The following RHOV variants were observed in gnomAD, a reference collection of about 807,000 sequenced individuals.
RHOV encodes rho-related GTP-binding protein RhoV.
In RHOV, 6 loss-of-function variants were observed where a neutral mutation model predicts 20.2. The observed-to-expected ratio is 0.30, with a 90% CI of 0.16 to 0.59. The LOEUF (loss-of-function observed/expected upper bound fraction) is 0.59, where lower values mean the gene tolerates loss of function less well. Ranked by LOEUF, RHOV falls within the 20% of genes least tolerant of loss-of-function variation. The probability of loss-of-function intolerance (pLI) is 0.89; values close to 1 mark genes in which losing one functional copy is unlikely to be tolerated. For synonymous variants in RHOV, 136 were observed against 142.3 expected, an observed-to-expected ratio of 0.96 and a Z score of 0.31; for missense variants, 275 against 319.4, an observed-to-expected ratio of 0.86 and a Z score of 1.06.
rs759074110 is a variant in RHOV, at chr15:40,874,098, G to A, written c.42C>T (p.Leu14=). 1.2e-5 allele frequency: 17 copies of A among 1,448,478 alleles called. No homozygotes were observed. The highest frequency in any genetic ancestry group is 1.3e-5 in the Non-Finnish European group (14 of 1,105,710). The allele number at this position is 1,448,478 out of a possible 1,614,324, so 89.7% of individuals were successfully genotyped here. A position where few individuals can be genotyped will look rare whatever the true frequency, so the allele number is the denominator to read the frequency against. ...RELSEAEPPP[L]RAPTPPPRRR... ...GCCGCGGGGGAGGGGTCGGGGCCCGGAGCGGGGGCGGCTCGGCCTCGCTCA... is the reference window on the plus strand; with the variant it reads ...GCCGCGGGGGAGGGGTCGGGGCCCGAAGCGGGGGCGGCTCGGCCTCGCTCA... Residue 14 remains leucine (L), a synonymous_variant, in exon 1 of 3, where the codon CTC becomes CTT. Coordinates refer to ENST00000220507, the MANE Select transcript of RHOV (RefSeq NM_133639.4).
Position 40,874,064 on chromosome 15 carries a change from C to G in RHOV, c.76G>C (p.Ala26Pro). 1 of 1,541,788 alleles carries G rather than the reference C, an allele frequency of 6.5e-7. No homozygotes were observed. Among genetic ancestry groups the G allele is most frequent in the South Asian group, 1.2e-5 (1 of 84,164 alleles). ...CACTTGATGCCCAGCTCTGGGGGCG[C>G]GCTACGCCGCCGCGGGGGAGGGGTC... ...APTPPPRRRS[A>P]PPELGIKCVL... is the part of the protein sequence containing the mutation. The change falls in exon 1 of 3, where the codon GCG (alanine) becomes CCG (proline). Residue 26 changes from alanine to proline, a missense_variant. Coordinates refer to ENST00000220507, the MANE Select transcript of RHOV (RefSeq NM_133639.4).
Position 40,872,834 on chromosome 15 carries a change from T to C in RHOV, c.*224A>G, listed in dbSNP as rs1167365325. 3.8e-6 allele frequency: 2 copies of C among 531,274 alleles called. No homozygotes were observed. The highest frequency in any genetic ancestry group is 1.9e-5 in the African/African-American group (1 of 51,716). 32.9% of individuals were successfully genotyped at this position (531,274 alleles called of 1,614,324 possible). Reference sequence around the variant, plus strand: ...AAAATCAAAGTGCCAGGTTTTTTTCTGTGAGCTTTGACTGGAGAAATCCAA... The same window carrying C: ...AAAATCAAAGTGCCAGGTTTTTTTCCGTGAGCTTTGACTGGAGAAATCCAA... On this transcript the variant is annotated 3_prime_UTR_variant, in exon 3 of 3. Transcript: ENST00000220507.
Position 40,873,008 on chromosome 15 carries a change from T to A in RHOV, c.*50A>T, listed in dbSNP as rs201047149. 1.4e-6 allele frequency: 2 copies of A among 1,480,426 alleles called. No homozygotes were observed. Among genetic ancestry groups the A allele is most frequent in the Non-Finnish European group, 1.9e-6 (2 of 1,074,540 alleles). 91.7% of individuals were successfully genotyped at this position (1,480,426 alleles called of 1,614,324 possible). The stretch of plus-strand genomic sequence containing the variant: ...CGCAAAGGCCCGGGTGCCCCAGGTC[T>A]CAGAAGTCTTTGGCCTCCTGCCTAC... On this transcript the variant is annotated 3_prime_UTR_variant, in exon 3 of 3. Coordinates refer to ENST00000220507, the MANE Select transcript of RHOV (RefSeq NM_133639.4).
At chr15:40,873,533 G>A in intron 2 of RHOV, 32 bp from the exon 3 acceptor site, 1 of 1,591,764 alleles carries the variant, frequency 6.3e-7, no homozygotes. Context: ...GTAAGGATTA[G>A]CCCCCCGACA....
Position 40,872,752 on chromosome 15 carries a change from A to C in RHOV, c.*306T>G. The stretch of plus-strand genomic sequence containing the variant: ...CAGGCTGACCTGAGGGCCCAGGACA[A>C]GAAACTGGGTTCCCAAACTGCTCGG... On this transcript the variant is annotated 3_prime_UTR_variant, in exon 3 of 3. Transcript: ENST00000220507. The C allele has an allele frequency of 3.2e-6, 1 of 307,716 alleles. No homozygotes were observed. The highest frequency in any genetic ancestry group is 6.4e-5 in the South Asian group (1 of 15,602). The allele number at this position is 307,716 out of a possible 1,614,324, so 19.1% of individuals were successfully genotyped here.
intron 2 of RHOV, 86 bp downstream of exon 2, chr15:40,873,598 G>C (rs1891919036): frequency 1.9e-6 from 3 of 1,585,196 alleles, no homozygotes; most frequent in Admixed American, 1.7e-5. Flanking sequence ...AGAGCCCAAG[G>C]CTTTCTCCAT....
At position 40,874,201 on chromosome 15, in the gene RHOV, G is replaced by A; in HGVS notation, c.-62C>T. 1 of 676,372 alleles carries A rather than the reference G, an allele frequency of 1.5e-6. No individual in the cohort carries two copies. The highest frequency in any genetic ancestry group is 2.2e-6 in the Non-Finnish European group (1 of 460,604). The allele number at this position is 676,372 out of a possible 1,614,324, so 41.9% of individuals were successfully genotyped here. A position where few individuals can be genotyped will look rare whatever the true frequency, so the allele number is the denominator to read the frequency against. On this transcript the variant is annotated 5_prime_UTR_variant, in exon 1 of 3. Coordinates refer to ENST00000220507, the MANE Select transcript of RHOV (RefSeq NM_133639.4). ...TCTCGGCTTCGCTGCGCTCGGTGAA[G>A]CAGGTCCCGCTGGCTGCCTCTGACT...
At chr15:40,873,528 G>C in intron 2 of RHOV, 27 bp from the exon 3 acceptor site, 2 of 1,596,458 alleles carry the variant, frequency 1.3e-6, no homozygotes, top group Non-Finnish European at 1.7e-6. Context: ...AGGTGGTAAG[G>C]ATTAGCCCCC....
At chr15:40,873,898 C>G in intron 1 of RHOV, 34 bp downstream of exon 1, 1 of 1,583,504 alleles carries the variant, frequency 6.3e-7, no homozygotes, top group Non-Finnish European at 8.6e-7. Flanking sequence ...CCCGCCGCAG[C>G]CACGCGGCCG....
chr15:40,873,548 G>A (rs370822502), intron 2 of RHOV, 47 bp from the exon 3 acceptor site: 783 of 1,589,922 alleles, frequency 4.9e-4, no homozygotes, highest in Non-Finnish European at 6.5e-4. Flanking sequence ...CCGACACATG[G>A]AATCCATTTC....
Position 40,873,984 on chromosome 15 carries a change from G to A in RHOV, c.156C>T (p.Thr52=). ...GGTAGCGCGCGGGGTACCCATTGCA[G>A]GTGTAGCTGACGATGAGGCTGCTCT... ...VGKSSLIVSY[T]CNGYPARYRP... The change falls in exon 1 of 3, where the codon ACC becomes ACT. Residue 52 remains threonine, a synonymous_variant. Transcript: ENST00000220507. The A allele has an allele frequency of 6.2e-7, 1 of 1,611,224 alleles. No homozygotes were observed. The highest frequency in any genetic ancestry group is 1.1e-5 in the South Asian group (1 of 90,958).
Position 40,873,948 on chromosome 15 carries a change from C to G in RHOV, c.192G>C (p.Ala64=). 6 of 1,610,990 alleles carry G rather than the reference C, an allele frequency of 3.7e-6. No homozygotes were observed. Among genetic ancestry groups the G allele is most frequent in the Non-Finnish European group, 5.1e-6 (6 of 1,178,976 alleles). Residue 64 remains alanine, a synonymous_variant, in exon 1 of 3, where the codon GCG becomes GCC. Transcript: ENST00000220507. ...CGTACGTACCAGAGAAGGTGTCCAG[C>G]GCAGTGGGCCGGTAGCGCGCGGGGT... ...NGYPARYRPT[A]LDTFSVQVLV...
At chr15:40,873,815 T>C in intron 1 of RHOV, 73 bp from the exon 2 acceptor site, 1 of 1,560,106 alleles carries the variant, frequency 6.4e-7, no homozygotes, top group Non-Finnish European at 8.8e-7. Context: ...CCTCGGGGCC[T>C]GCTCCAGTCT....
chr15:40,873,211 G>A lies in RHOV; in HGVS notation c.558C>T (p.Cys186=), dbSNP rs149655270. Residue 186 remains cysteine (C), a synonymous_variant, in exon 3 of 3, where the codon TGC becomes TGT. Transcript: ENST00000220507. The stretch of plus-strand genomic sequence containing the variant: ...TCAAGTTCTTCTGCGTCAAGGCTGA[G>A]CACTCAAGGTAGCAGCAGGCTCGGA... ...EKIRACCYLE[C]SALTQKNLKE... is the part of the protein sequence containing the mutation. 6.2e-7 allele frequency: 1 copy of A among 1,614,266 alleles called. No homozygotes were observed. Among genetic ancestry groups the A allele is most frequent in the Non-Finnish European group, 8.5e-7 (1 of 1,180,046 alleles).
At position 40,873,165 on chromosome 15, in the gene RHOV, T is replaced by G. The variant is rs747658164; in HGVS notation, c.604A>C (p.Ile202Leu). The G allele has an allele frequency of 4.1e-5, 66 of 1,614,118 alleles. No individual in the cohort carries two copies. Among genetic ancestry groups the G allele is most frequent in the South Asian group, 1.5e-4 (14 of 91,096 alleles). The change falls in exon 3 of 3, where the codon ATT becomes CTT. Residue 202 changes from isoleucine to leucine, a missense_variant. Ile to Leu is a conservative substitution (Grantham distance 5). Coordinates refer to ENST00000220507, the MANE Select transcript of RHOV (RefSeq NM_133639.4). ...KNLKEVFDSA[I>L]LSAIEHKARL... ...GCTTTGTGCTCAATGGCACTGAGAA[T>G]AGCCGAGTCAAATACTTCCTTCAAG...
intron 2 of RHOV, 80 bp from the exon 3 acceptor site, chr15:40,873,581 G>C: frequency 1.3e-6 from 2 of 1,583,176 alleles, no homozygotes; most frequent in Non-Finnish European, 1.7e-6. Context: ...GGAAACCTGA[G>C]ACTCCAAGAG....
Position 40,873,016 on chromosome 15 carries a change from C to A in RHOV, c.*42G>T. On this transcript the variant is annotated 3_prime_UTR_variant, in exon 3 of 3. Coordinates refer to ENST00000220507, the MANE Select transcript of RHOV (RefSeq NM_133639.4). ...CCCGGGTGCCCCAGGTCTCAGAAGT[C>A]TTTGGCCTCCTGCCTACTACTTGCT... The A allele has an allele frequency of 6.5e-7, 1 of 1,536,330 alleles. No individual in the cohort carries two copies.
Position 40,873,731 on chromosome 15 carries a change from C to T in RHOV, c.220G>A (p.Val74Met), listed in dbSNP as rs1412778968. 5 of 1,613,744 alleles carry T rather than the reference C, an allele frequency of 3.1e-6. No homozygotes were observed. The highest frequency in any genetic ancestry group is 4.2e-6 in the Non-Finnish European group (5 of 1,180,016). Residue 74 changes from valine (V) to methionine (M), a missense_variant, in exon 2 of 3, where the codon GTG (valine) becomes ATG (methionine). Physicochemically the swap from Val to Met is conservative, Grantham distance 21 (BLOSUM62 1). Coordinates refer to ENST00000220507, the MANE Select transcript of RHOV (RefSeq NM_133639.4). The part of the protein sequence containing the change: ...ALDTFSVQVL[V>M]DGAPVRIELW... ...TCAATGCGCACCGGAGCTCCATCCA[C>T]CAGGACTTGCACTGCAGGGGCGGGG...
chr15:40,874,161 AG>A lies in RHOV; in HGVS notation c.-23del. 2 of 1,175,898 alleles carry A rather than the reference AG, an allele frequency of 1.7e-6. No individual in the cohort carries two copies. The highest frequency in any genetic ancestry group is 2.2e-6 in the Non-Finnish European group (2 of 909,746). 72.8% of individuals were successfully genotyped at this position (1,175,898 alleles called of 1,614,324 possible). A position where few individuals can be genotyped will look rare whatever the true frequency, so the allele number is the denominator to read the frequency against. On this transcript the variant is annotated 5_prime_UTR_variant, in exon 1 of 3. Transcript: ENST00000220507. Reference sequence around the variant, plus strand: ...GCATGGCCCGCTCCGGGGGCAGCAGAGGGGCCAGCCCGGGTCTCGGCTTCGC... The same window carrying A: ...GCATGGCCCGCTCCGGGGGCAGCAGAGGGCCAGCCCGGGTCTCGGCTTCGC...
Sources: gnomAD v4.1 joint callset for allele counts on GRCh38, gnomAD v4.1.1 for gene constraint, MANE v1.5 for transcripts, NCBI Gene and HGNC (gene_info 2026-07-23, HGNC 2026-07-21) for gene names.